The following GRIK1 variants were observed in gnomAD, a reference collection of about 807,000 sequenced individuals.
GRIK1 encodes glutamate receptor ionotropic, kainate 1.
A neutral mutation model predicts 105.7 loss-of-function variants in GRIK1; 69 were observed. The ratio of observed to expected loss-of-function variants is 0.65; its 90% CI spans 0.54 to 0.80. The LOEUF (loss-of-function observed/expected upper bound fraction) is 0.80. Ranked by LOEUF, GRIK1 falls within the 30% of genes least tolerant of loss-of-function variation. GRIK1 has a pLI of 0.00. For synonymous variants in GRIK1, 438 were observed against 431.3 expected, an observed-to-expected ratio of 1.02 and a Z score of -0.19; for missense variants, 1,109 against 1,167.3, an observed-to-expected ratio of 0.95 and a Z score of 0.73.
At chr21:29,645,619 A>G (rs2062602421) in intron 6 of GRIK1, among the ~76,000 whole-genome samples, 1 of 152,216 alleles carries the variant, frequency 6.6e-6, no homozygotes, top group Non-Finnish European at 1.5e-5. Context: ...GTTTTCTTAG[A>G]TGGAGAAAAT....
intron 1 of GRIK1, among the ~76,000 whole-genome samples, chr21:29,705,367 CA>C (rs1181947647): frequency 6.6e-6 from 1 of 152,204 alleles, no homozygotes; most frequent in African/African-American, 2.4e-5. Context: ...TCACACTACA[CA>C]ATGACATTTG....
intron 16 of GRIK1, among the ~76,000 whole-genome samples, chr21:29,542,797 A>T (rs577566340): frequency 2.0e-5 from 3 of 152,348 alleles, no homozygotes; most frequent in African/African-American, 7.2e-5. Context: ...GGCCTAGCCA[A>T]TAATACAATA....
chr21:29,708,892 C>T (rs2063978338), intron 1 of GRIK1, among the ~76,000 whole-genome samples: 1 of 152,066 alleles, frequency 6.6e-6, no homozygotes, highest in Admixed American at 6.6e-5. Flanking sequence ...TTCTCCTCTG[C>T]CCACATAATT....
At chr21:29,575,579 A>G (rs112755255) in intron 14 of GRIK1, among the ~76,000 whole-genome samples, 9 of 152,348 alleles carry the variant, frequency 5.9e-5, no homozygotes, top group African/African-American at 1.9e-4. Flanking sequence ...CACGCTTGCA[A>G]TTCCAGGACT....
chr21:29,842,405 C>G (rs1023976282), intron 1 of GRIK1, among the ~76,000 whole-genome samples: 1 of 152,004 alleles, frequency 6.6e-6, no homozygotes, highest in Non-Finnish European at 1.5e-5. Flanking sequence ...TAAAAGGAAG[C>G]GAAGAAAAGA....
intron 1 of GRIK1, among the ~76,000 whole-genome samples, chr21:29,714,857 A>G (rs1330859972): frequency 6.6e-6 from 1 of 152,202 alleles, no homozygotes; most frequent in African/African-American, 2.4e-5. Flanking sequence ...TGATAACACT[A>G]AATGAGGGCA....
chr21:29,560,400 C>CCTTCCTTCCTTTCTTTCTTT lies in GRIK1; in HGVS notation c.2356+1223_2356+1224insAAAGAAAGAAAGGAAGGAAG, dbSNP rs1491373479. 1.2e-3 allele frequency among the ~76,000 whole-genome samples: 80 copies of CCTTCCTTCCTTTCTTTCTTT among 67,108 alleles called. 6 individuals carry two copies. The highest frequency in any genetic ancestry group is 4.5e-3 in the African/African-American group (48 of 10,778). 44.0% of individuals were successfully genotyped at this position (67,108 alleles called of 152,430 possible). A position where few individuals can be genotyped will look rare whatever the true frequency, so the allele number is the denominator to read the frequency against. On this transcript the variant is annotated intron_variant, in intron 15 of 17. Transcript: ENST00000327783. The stretch of plus-strand genomic sequence containing the variant: ...TCCTTCCTTCCTTCCTTCCTTCCTT[C>CCTTCCTTCCTTTCTTTCTTT]CTTTCTTTCTTTCTTTCTTTCTTTC...
intron 1 of GRIK1, among the ~76,000 whole-genome samples, chr21:29,780,843 G>T (rs935496295): frequency 6.6e-6 from 1 of 152,098 alleles, no homozygotes; most frequent in Non-Finnish European, 1.5e-5. Context: ...ACATTGAAGG[G>T]TGAGTAAAAA....
Position 29,719,233 on chromosome 21 carries a change from T to G in GRIK1, c.119-25170A>C, listed in dbSNP as rs1452271797. ...TATCTAGTATTTTTATCTGGTATTT[T>G]TATCTAGAAAAAATACTTTTATCTA... is the stretch of plus-strand genomic sequence containing the variant. On this transcript the variant is annotated intron_variant, in intron 1 of 17. Transcript: ENST00000327783. Among the ~76,000 whole-genome samples the G allele has an allele frequency of 2.0e-5, 3 of 151,702 alleles. No homozygotes were observed. The East Asian group carries it at 5.8e-4, about 29-fold the overall frequency.
At chr21:29,896,882 C>A (rs2070187111) in intron 1 of GRIK1, among the ~76,000 whole-genome samples, 1 of 152,110 alleles carries the variant, frequency 6.6e-6, no homozygotes, top group East Asian at 1.9e-4. Flanking sequence ...CCACCTCACC[C>A]CATCCAAACT....
chr21:29,767,347 G>A (rs1296301204), intron 1 of GRIK1, among the ~76,000 whole-genome samples: 1 of 152,048 alleles, frequency 6.6e-6, no homozygotes, highest in East Asian at 1.9e-4. Flanking sequence ...CTCTTAATGG[G>A]ATCTGCAATA....
intron 1 of GRIK1, among the ~76,000 whole-genome samples, chr21:29,804,822 A>G (rs2066819090): frequency 6.6e-6 from 1 of 152,202 alleles, no homozygotes; most frequent in African/African-American, 2.4e-5. Context: ...CATTAAAAAT[A>G]CTAATAGCAA....
chr21:29,889,168 A>G (rs2069795849), intron 1 of GRIK1, among the ~76,000 whole-genome samples: 1 of 152,182 alleles, frequency 6.6e-6, no homozygotes, highest in Non-Finnish European at 1.5e-5. Flanking sequence ...TACCAAATAA[A>G]TTTTAGATAA....
At chr21:29,909,266 A>T (rs1180001748) in intron 1 of GRIK1, among the ~76,000 whole-genome samples, 1 of 152,022 alleles carries the variant, frequency 6.6e-6, no homozygotes, top group African/African-American at 2.4e-5. Flanking sequence ...TAAAAACAAG[A>T]AAATCATTTT....
At chr21:29,564,156 TA>T (rs1194715777) in intron 14 of GRIK1, among the ~76,000 whole-genome samples, 4 of 152,202 alleles carry the variant, frequency 2.6e-5, no homozygotes, top group East Asian at 1.9e-4. Flanking sequence ...TTTATTTATT[TA>T]TTTTTTTTGA....
intron 3 of GRIK1, among the ~76,000 whole-genome samples, chr21:29,685,632 A>G (rs144546217): frequency 6.6e-6 from 1 of 152,324 alleles, no homozygotes; most frequent in Non-Finnish European, 1.5e-5. Flanking sequence ...AAAATGTGCT[A>G]TGATTAGTTT....
chr21:29,770,222 G>C (rs1242020459), intron 1 of GRIK1, among the ~76,000 whole-genome samples: 3 of 152,172 alleles, frequency 2.0e-5, no homozygotes, highest in African/African-American at 7.2e-5. Flanking sequence ...ACTTCATCCG[G>C]AATTGGAAAC....
In GRIK1 at chr21:29,939,634, A is replaced by G. The variant is rs2071908622; in HGVS notation, c.-134T>C. On this transcript the variant is annotated 5_prime_UTR_variant, in exon 1 of 18. Coordinates refer to ENST00000327783, the MANE Select transcript of GRIK1 (RefSeq NM_001330994.2). Reference sequence around the variant, plus strand: ...CAAGCACGCTGCGCGCTCCCCACGGAGCGAGCTCGAGGGAACCCGCGTGGG... The same window carrying G: ...CAAGCACGCTGCGCGCTCCCCACGGGGCGAGCTCGAGGGAACCCGCGTGGG... 3.5e-6 allele frequency: 2 copies of G among 579,250 alleles called. No homozygotes were observed. Among genetic ancestry groups the G allele is most frequent in the East Asian group, 6.7e-5 (2 of 29,744 alleles). The allele number at this position is 579,250 out of a possible 1,614,324, so 35.9% of individuals were successfully genotyped here. A position where few individuals can be genotyped will look rare whatever the true frequency, so the allele number is the denominator to read the frequency against.
At chr21:29,878,493 A>G (rs2069275931) in intron 1 of GRIK1, among the ~76,000 whole-genome samples, 1 of 152,112 alleles carries the variant, frequency 6.6e-6, no homozygotes, top group Admixed American at 6.6e-5. Flanking sequence ...AAATGGAAGA[A>G]ATCAAAGGAG....
Sources: gnomAD v4.1 joint callset for allele counts (sites outside exome capture counted in the v4.1 genomes callset) on GRCh38, gnomAD v4.1.1 for gene constraint, MANE v1.5 for transcripts, NCBI Gene and HGNC (gene_info 2026-07-23, HGNC 2026-07-21) for gene names.